The following PAK5 variants were observed in gnomAD, a reference collection of about 807,000 sequenced individuals.
PAK5 encodes the protein p21 (RAC1) activated kinase 5.
In PAK5, 16 loss-of-function variants were observed where a neutral mutation model predicts 65.9. The ratio of observed to expected loss-of-function variants is 0.24; its 90% CI spans 0.16 to 0.37. The LOEUF (loss-of-function observed/expected upper bound fraction) is 0.37, where lower values mean the gene tolerates loss of function less well. Among genes scored for constraint, PAK5 ranks in the 10% least tolerant of loss-of-function variants. PAK5 has a pLI of 1.00. For missense variants in PAK5, 785 were observed against 903.9 expected (o/e 0.87, Z 1.69); for synonymous variants, 371 against 354.9 (o/e 1.05, Z -0.51).
intron 1 of PAK5, among the ~76,000 whole-genome samples, chr20:9,824,355 A>T (rs967891089): frequency 6.6e-6 from 1 of 152,188 alleles, no homozygotes; most frequent in Non-Finnish European, 1.5e-5. Flanking sequence ...GGAGTTCAAG[A>T]CCAGCCTGGG....
chr20:9,801,369 T>C (rs952124668), intron 1 of PAK5, among the ~76,000 whole-genome samples: 41 of 151,912 alleles, frequency 2.7e-4, no homozygotes, highest in African/African-American at 9.6e-4. Context: ...TATGAAACTG[T>C]TTTATAGATT....
intron 1 of PAK5, among the ~76,000 whole-genome samples, chr20:9,791,779 G>A (rs1303427892): frequency 6.6e-6 from 1 of 152,052 alleles, no homozygotes; most frequent in Non-Finnish European, 1.5e-5. Context: ...GCATCCGGTG[G>A]GTGACCCATG....
Position 9,752,666 on chromosome 20 carries a change from G to A in PAK5, c.-161-41231C>T, listed in dbSNP as rs547297122. Among the ~76,000 whole-genome samples the A allele has an allele frequency of 2.6e-5, 4 of 152,052 alleles. No individual in the cohort carries two copies. The East Asian group carries it at 5.8e-4, about 22-fold the overall frequency. On this transcript the variant is annotated intron_variant, in intron 1 of 9. Coordinates refer to ENST00000353224, the MANE Select transcript of PAK5 (RefSeq NM_177990.4). ...TTAAAAAATTTAAAAATAAGACTAAGGAAATTGAATGATAAAATATGTAAG... is the reference window on the plus strand; with the variant it reads ...TTAAAAAATTTAAAAATAAGACTAAAGAAATTGAATGATAAAATATGTAAG...
chr20:9,780,001 C>T (rs1017521222), intron 1 of PAK5, among the ~76,000 whole-genome samples: 1 of 152,022 alleles, frequency 6.6e-6, no homozygotes, highest in African/African-American at 2.4e-5. Context: ...GCTAGGCTCC[C>T]AACTCTCAAT....
chr20:9,703,754 T>A (rs1017611611), intron 2 of PAK5, among the ~76,000 whole-genome samples: 3 of 150,622 alleles, frequency 2.0e-5, no homozygotes, highest in Non-Finnish European at 3.0e-5. Flanking sequence ...TATCCCCCCC[T>A]CCACTCTAAT....
intron 1 of PAK5, among the ~76,000 whole-genome samples, chr20:9,742,143 G>A (rs1368507406): frequency 1.3e-5 from 2 of 152,088 alleles, no homozygotes; most frequent in Non-Finnish European, 2.9e-5. Context: ...GACCTTCTTA[G>A]AGAAGATTCA....
chr20:9,739,206 A>C (rs1051270106), intron 1 of PAK5, among the ~76,000 whole-genome samples: 11 of 149,222 alleles, frequency 7.4e-5, no homozygotes, highest in Admixed American at 4.1e-4. Flanking sequence ...AGTTGAATCA[A>C]CACAAGTTCT....
At chr20:9,574,370 A>G (rs2045847527) in intron 4 of PAK5, among the ~76,000 whole-genome samples, 1 of 152,174 alleles carries the variant, frequency 6.6e-6, no homozygotes, top group African/African-American at 2.4e-5. Flanking sequence ...GGCATATCCA[A>G]TTAACCCCCC....
chr20:9,654,417 G>A (rs2047240193), intron 2 of PAK5, among the ~76,000 whole-genome samples: 1 of 152,104 alleles, frequency 6.6e-6, no homozygotes, highest in African/African-American at 2.4e-5. Context: ...ACAGATTTCA[G>A]GGATGAGGAT....
At chr20:9,828,600 G>A (rs2123785051) in intron 1 of PAK5, among the ~76,000 whole-genome samples, 1 of 152,150 alleles carries the variant, frequency 6.6e-6, no homozygotes, top group Non-Finnish European at 1.5e-5. Context: ...TAAAATAAGG[G>A]GGCAACACAG....
intron 1 of PAK5, among the ~76,000 whole-genome samples, chr20:9,813,293 G>T (rs1217007031): frequency 2.0e-5 from 3 of 151,410 alleles, no homozygotes; most frequent in Non-Finnish European, 3.0e-5. Flanking sequence ...ACTTTTGGGG[G>T]TGACAGATAT....
intron 3 of PAK5, among the ~76,000 whole-genome samples, chr20:9,614,466 G>A (rs1362933631): frequency 6.6e-6 from 1 of 152,176 alleles, no homozygotes; most frequent in Non-Finnish European, 1.5e-5. Context: ...CCAAACCACA[G>A]ATCCAGGAAG....
In PAK5 at chr20:9,773,171, C is replaced by T. The variant is rs571005330; in HGVS notation, c.-161-61736G>A. Among the ~76,000 whole-genome samples, 3 of 152,254 alleles carry T rather than the reference C, an allele frequency of 2.0e-5. No homozygotes were observed. The South Asian group carries it at 6.2e-4, about 32-fold the overall frequency. ...ATGTCCCAAAGCTCATGCAAGTGTACCATCTCCACTTGAATAATCACAGAA... is the reference window on the plus strand; with the variant it reads ...ATGTCCCAAAGCTCATGCAAGTGTATCATCTCCACTTGAATAATCACAGAA... On this transcript the variant is annotated intron_variant, in intron 1 of 9. Coordinates refer to ENST00000353224, the MANE Select transcript of PAK5 (RefSeq NM_177990.4).
intron 9 of PAK5, among the ~76,000 whole-genome samples, chr20:9,540,632 G>GT (rs1032449795): frequency 6.6e-6 from 1 of 151,962 alleles, no homozygotes; most frequent in African/African-American, 2.4e-5. Context: ...CTGGTTTCCA[G>GT]TTTTTTTGAA....
intron 1 of PAK5, among the ~76,000 whole-genome samples, chr20:9,731,555 T>G (rs1432897861): frequency 3.3e-5 from 5 of 152,190 alleles, no homozygotes; most frequent in Non-Finnish European, 7.3e-5. Context: ...TTAAAGGATC[T>G]TTGGAATAGC....
Position 9,746,521 on chromosome 20 carries a change from TAAC to T in PAK5, c.-161-35089_-161-35087del, listed in dbSNP as rs907473833. ...ATATTGGCATATTTGGACACCCATG[TAAC>T]AACAACTCAGACCAAGATCTAAAGC... On this transcript the variant is annotated intron_variant, in intron 1 of 9. Transcript: ENST00000353224. Among the ~76,000 whole-genome samples the T allele has an allele frequency of 4.7e-4, 71 of 152,326 alleles. 1 individual carries two copies. The highest frequency in any genetic ancestry group is 1.7e-3 in the African/African-American group (70 of 41,578).
chr20:9,610,976 C>T (rs560483672), intron 3 of PAK5, among the ~76,000 whole-genome samples: 197 of 152,350 alleles, frequency 1.3e-3, no homozygotes, highest in African/African-American at 4.4e-3. Flanking sequence ...TTCAAATGGA[C>T]ATCTCGGAAG....
chr20:9,538,462 C>T lies in PAK5; in HGVS notation c.*1000G>A. On this transcript the variant is annotated 3_prime_UTR_variant, in exon 10 of 10. Transcript: ENST00000353224. ...CGTCTTGCCCTGTTCTCTCCTCTCCCTTTGTGAGCCTGGAATTCTCATGGT... is the reference window on the plus strand; with the variant it reads ...CGTCTTGCCCTGTTCTCTCCTCTCCTTTTGTGAGCCTGGAATTCTCATGGT... 1.3e-5 allele frequency: 3 copies of T among 233,572 alleles called. No homozygotes were observed. The highest frequency in any genetic ancestry group is 2.5e-5 in the Non-Finnish European group (3 of 117,986). The allele number at this position is 233,572 out of a possible 1,614,324, so 14.5% of individuals were successfully genotyped here.
intron 3 of PAK5, among the ~76,000 whole-genome samples, chr20:9,591,332 A>G: frequency 6.6e-6 from 1 of 152,088 alleles, no homozygotes; most frequent in East Asian, 1.9e-4. Flanking sequence ...AGCACCCTCA[A>G]CTTCAACTCT....
Sources: gnomAD v4.1 joint callset for allele counts (sites outside exome capture counted in the v4.1 genomes callset) on GRCh38, gnomAD v4.1.1 for gene constraint, MANE v1.5 for transcripts, NCBI Gene and HGNC (gene_info 2026-07-23, HGNC 2026-07-21) for gene names.